JPH1: variants seen among roughly 807,000 people sequenced by gnomAD.
The protein encoded by JPH1 is junctophilin-1.
A neutral mutation model predicts 53.6 loss-of-function variants in JPH1; 12 were observed. The ratio of observed to expected loss-of-function variants is 0.22; its 90% CI spans 0.14 to 0.36. The LOEUF (loss-of-function observed/expected upper bound fraction) is 0.36, where lower values mean the gene tolerates loss of function less well. Ranked by LOEUF, JPH1 falls within the 10% of genes least tolerant of loss-of-function variation. The pLI is 1.00. For missense variants in JPH1, 808 were observed against 905.5 expected (o/e 0.89, Z 1.38); for synonymous variants, 375 against 363.8 (o/e 1.03, Z -0.35).
At chr8:74,257,224 T>C (rs1391039404) in intron 3 of JPH1, among the ~76,000 whole-genome samples, 1 of 152,244 alleles carries the variant, frequency 6.6e-6, no homozygotes, top group Non-Finnish European at 1.5e-5. Flanking sequence ...TACTGTGATG[T>C]ATTCATTCCT....
chr8:74,248,977 C>G (rs1246889146), intron 3 of JPH1, among the ~76,000 whole-genome samples: 1 of 152,166 alleles, frequency 6.6e-6, no homozygotes. Context: ...AGGATTTTCT[C>G]CCCCTGGAGA....
chr8:74,240,983 G>A (rs1168234677), intron 4 of JPH1, among the ~76,000 whole-genome samples: 1 of 152,110 alleles, frequency 6.6e-6, no homozygotes, highest in Non-Finnish European at 1.5e-5. Context: ...ACATATCACT[G>A]TACTGGCAAT....
chr8:74,301,696 C>A (rs1807686121), intron 2 of JPH1, among the ~76,000 whole-genome samples: 1 of 152,226 alleles, frequency 6.6e-6, no homozygotes, highest in African/African-American at 2.4e-5. Context: ...TCAGCCTCAT[C>A]CCTGTAAGCC....
chr8:74,302,653 T>C (rs767803300), intron 2 of JPH1, among the ~76,000 whole-genome samples: 2 of 152,036 alleles, frequency 1.3e-5, no homozygotes, highest in African/African-American at 4.8e-5. Context: ...GCAAGGAGTG[T>C]TGCTGGTGCA....
intron 4 of JPH1, among the ~76,000 whole-genome samples, chr8:74,240,420 C>G (rs1027022847): frequency 6.6e-6 from 1 of 151,868 alleles, no homozygotes; most frequent in African/African-American, 2.4e-5. Context: ...CACTTTCCAT[C>G]CAGCCTCTGG....
chr8:74,253,179 T>G (rs1806117693), intron 3 of JPH1, among the ~76,000 whole-genome samples: 1 of 152,008 alleles, frequency 6.6e-6, no homozygotes, highest in Admixed American at 6.6e-5. Context: ...GAACAGAAAT[T>G]ATAACAAACT....
intron 1 of JPH1, among the ~76,000 whole-genome samples, chr8:74,319,970 C>G (rs1163813960): frequency 6.6e-6 from 1 of 152,180 alleles, no homozygotes; most frequent in Admixed American, 6.5e-5. Context: ...TATACACAAT[C>G]TCTTTGGCAA....
chr8:74,308,006 T>A (rs757005105), intron 2 of JPH1, among the ~76,000 whole-genome samples: 1 of 152,218 alleles, frequency 6.6e-6, no homozygotes, highest in African/African-American at 2.4e-5. Context: ...AGTCAAGTGA[T>A]CTTGTGAATA....
At chr8:74,268,732 C>T (rs888226655) in intron 2 of JPH1, among the ~76,000 whole-genome samples, 1 of 152,138 alleles carries the variant, frequency 6.6e-6, no homozygotes, top group Admixed American at 6.5e-5. Flanking sequence ...TGTTGTTATG[C>T]TTCTTGTCCT....
intron 3 of JPH1, among the ~76,000 whole-genome samples, chr8:74,258,564 C>T (rs984325990): frequency 6.6e-6 from 1 of 152,286 alleles, no homozygotes; most frequent in South Asian, 2.1e-4. Flanking sequence ...TTTCCTCTTA[C>T]TCTGTGCAGA....
chr8:74,255,907 G>T (rs1183176886), intron 3 of JPH1, among the ~76,000 whole-genome samples: 4 of 152,198 alleles, frequency 2.6e-5, no homozygotes, highest in Non-Finnish European at 5.9e-5. Flanking sequence ...TGCTGGAGAG[G>T]ATGTGGAGAA....
intron 2 of JPH1, among the ~76,000 whole-genome samples, chr8:74,300,285 T>A (rs1285397864): frequency 6.6e-6 from 1 of 152,196 alleles, no homozygotes; most frequent in Non-Finnish European, 1.5e-5. Context: ...GAAACCTTCA[T>A]GGAATGTGGC....
chr8:74,319,394 G>C (rs948681319), intron 1 of JPH1, among the ~76,000 whole-genome samples: 10 of 152,276 alleles, frequency 6.6e-5, no homozygotes, highest in Non-Finnish European at 1.2e-4. Context: ...ACAAAATCCA[G>C]TCACAAACTG....
At chr8:74,271,429 G>T (rs952365831) in intron 2 of JPH1, among the ~76,000 whole-genome samples, 1 of 152,186 alleles carries the variant, frequency 6.6e-6, no homozygotes, top group African/African-American at 2.4e-5. Flanking sequence ...CTTGGCCAGC[G>T]ATAGGAGTAC....
chr8:74,302,121 G>A (rs914859223), intron 2 of JPH1, among the ~76,000 whole-genome samples: 1 of 152,234 alleles, frequency 6.6e-6, no homozygotes, highest in African/African-American at 2.4e-5. Flanking sequence ...CTCAAGACCT[G>A]TTGGGTCTTT....
intron 2 of JPH1, among the ~76,000 whole-genome samples, chr8:74,276,518 C>T (rs757960417): frequency 4.6e-5 from 7 of 152,160 alleles, no homozygotes; most frequent in East Asian, 1.9e-4. Context: ...GATACACTGA[C>T]GATATTAAGT....
chr8:74,273,252 G>T (rs1176163590), intron 2 of JPH1, among the ~76,000 whole-genome samples: 4 of 152,152 alleles, frequency 2.6e-5, no homozygotes, highest in Admixed American at 1.3e-4. Context: ...TTTGGGAGAA[G>T]AATATATAAA....
chr8:74,251,592 G>A (rs1806063571), intron 3 of JPH1, among the ~76,000 whole-genome samples: 1 of 151,828 alleles, frequency 6.6e-6, no homozygotes, highest in East Asian at 1.9e-4. Flanking sequence ...ACATGGCTTT[G>A]TTTTTTTCTT....
chr8:74,242,291 G>A (rs1459686610), intron 4 of JPH1, among the ~76,000 whole-genome samples: 2 of 152,096 alleles, frequency 1.3e-5, no homozygotes, highest in African/African-American at 2.4e-5. Flanking sequence ...TAATAGCCAA[G>A]GTTTTTTGAG....
Sources: allele counts gnomAD v4.1 joint callset (sites outside exome capture counted in the v4.1 genomes callset), GRCh38; gene constraint gnomAD v4.1.1; transcripts MANE v1.5; gene names NCBI Gene and HGNC (gene_info 2026-07-23, HGNC 2026-07-21).